The following KATNA1 variants were observed in gnomAD, a reference collection of about 807,000 sequenced individuals.
KATNA1 encodes katanin catalytic subunit A1, also known as katanin p60 ATPase-containing subunit A1.
Under a neutral mutation model 62.6 loss-of-function variants are expected in KATNA1, and 42 were observed. That is an observed-to-expected ratio of 0.67 (90% CI 0.52 to 0.87). The LOEUF (loss-of-function observed/expected upper bound fraction) is 0.87, where lower values mean the gene tolerates loss of function less well. Ranked by LOEUF, KATNA1 falls within the 40% of genes least tolerant of loss-of-function variation. The pLI, the probability that KATNA1 is intolerant of heterozygous loss-of-function variation, is 0.00. For missense variants in KATNA1, 498 were observed against 612.5 expected (o/e 0.81, Z 1.97); for synonymous variants, 186 against 201.9 (o/e 0.92, Z 0.67).
chr6:149,637,482 T>C (rs771044977), intron 2 of KATNA1, among the ~76,000 whole-genome samples: 29 of 152,190 alleles, frequency 1.9e-4, no homozygotes, highest in Non-Finnish European at 3.7e-4. Context: ...TAAAGTCTAC[T>C]CTATTTTTAC....
intron 1 of KATNA1, among the ~76,000 whole-genome samples, chr6:149,645,681 C>T (rs1362188620): frequency 1.3e-5 from 2 of 152,128 alleles, no homozygotes; most frequent in Admixed American, 1.3e-4. Context: ...ACAGAACCAC[C>T]CTTTTGCTTA....
rs529886576 is a variant in KATNA1, at chr6:149,634,955, T to TC, written c.163-2040dup. ...TTAAAAGCAGTCTTTTTTTTTTTTTTCAAATATTTTTTAGAGACAGGGTCT... is the reference window on the plus strand; with the variant it reads ...TTAAAAGCAGTCTTTTTTTTTTTTTTCCAAATATTTTTTAGAGACAGGGTCT... On this transcript the variant is annotated intron_variant, in intron 2 of 10. Transcript: ENST00000367411. Among the ~76,000 whole-genome samples the TC allele has an allele frequency of 1.1e-4, 16 of 148,080 alleles. No homozygotes were observed. The East Asian group carries it at 2.7e-3, about 25-fold the overall frequency.
chr6:149,644,850 C>G (rs1433735517), intron 1 of KATNA1, among the ~76,000 whole-genome samples: 1 of 152,088 alleles, frequency 6.6e-6, no homozygotes, highest in East Asian at 1.9e-4. Flanking sequence ...AAAGTCTAAT[C>G]CAAGGCCACA....
intron 4 of KATNA1, among the ~76,000 whole-genome samples, chr6:149,616,644 C>T (rs766318770): frequency 1.3e-5 from 2 of 152,116 alleles, no homozygotes; most frequent in Non-Finnish European, 2.9e-5. Context: ...ATCCCAGACA[C>T]TTGGGAGGCT....
At chr6:149,641,302 G>A (rs1374951225) in intron 1 of KATNA1, among the ~76,000 whole-genome samples, 2 of 151,058 alleles carry the variant, frequency 1.3e-5, no homozygotes, top group African/African-American at 2.4e-5. Flanking sequence ...TTAGCCTCCC[G>A]AGTAGCTGGG....
At chr6:149,647,119 G>C (rs1780516257) in intron 1 of KATNA1, among the ~76,000 whole-genome samples, 1 of 151,398 alleles carries the variant, frequency 6.6e-6, no homozygotes, top group Admixed American at 6.6e-5. Context: ...CATAGTCTAG[G>C]AATGTTGGGA....
intron 7 of KATNA1, among the ~76,000 whole-genome samples, chr6:149,598,810 A>T (rs1244496890): frequency 2.6e-5 from 4 of 152,104 alleles, no homozygotes; most frequent in Admixed American, 2.6e-4. Flanking sequence ...AATACTGGGG[A>T]GATGGGATAG....
chr6:149,609,370 GA>G (rs532188676), intron 4 of KATNA1, among the ~76,000 whole-genome samples: 33 of 145,514 alleles, frequency 2.3e-4, no homozygotes, highest in South Asian at 4.4e-4. Context: ...ATTTTTTAAG[GA>G]AAAAAAAAAA....
At chr6:149,604,448 A>G (rs1778656822) in intron 5 of KATNA1, among the ~76,000 whole-genome samples, 1 of 152,164 alleles carries the variant, frequency 6.6e-6, no homozygotes, top group Admixed American at 6.6e-5. Flanking sequence ...CCTGGGCAAT[A>G]AAGTGAGACC....
chr6:149,645,412 C>T (rs1488504651), intron 1 of KATNA1, among the ~76,000 whole-genome samples: 1 of 148,238 alleles, frequency 6.7e-6, no homozygotes, highest in African/African-American at 2.5e-5. Flanking sequence ...CACTGCACTC[C>T]AGCCTGGGCG....
chr6:149,628,520 G>A (rs1245540675), intron 3 of KATNA1, among the ~76,000 whole-genome samples: 1 of 151,728 alleles, frequency 6.6e-6, no homozygotes, highest in Non-Finnish European at 1.5e-5. Flanking sequence ...ACCAACATAG[G>A]TGAAGAAAGA....
Position 149,597,055 on chromosome 6 carries a change from A to ACACGTTGGTAATG in KATNA1, c.1277+7_1277+8insCATTACCAACGTG. ...TACAAAAACCTATGCTTCCATGATA[A>ACACGTTGGTAATG]TTCATACCTGCACACGTTGGTAATG... On this transcript the variant is annotated splice_region_variant and intron_variant, in intron 10 of 10. Coordinates refer to ENST00000367411, the MANE Select transcript of KATNA1 (RefSeq NM_007044.4). 1 of 1,611,616 alleles carries ACACGTTGGTAATG rather than the reference A, an allele frequency of 6.2e-7. No individual in the cohort carries two copies. Among genetic ancestry groups the ACACGTTGGTAATG allele is most frequent in the East Asian group, 2.2e-5 (1 of 44,864 alleles).
At chr6:149,621,904 G>T (rs73781287) in intron 4 of KATNA1, among the ~76,000 whole-genome samples, 1 of 152,094 alleles carries the variant, frequency 6.6e-6, no homozygotes, top group Non-Finnish European at 1.5e-5. Context: ...ATTCCAGTCC[G>T]AGAAAGGCAA....
rs145419528 is a variant in KATNA1, at chr6:149,641,098, G to A, written c.-13-2538C>T. ...TTGGTCACGCTGGTCTCGAACTCCC[G>A]ATCTCGGGTGATCTGCCCACCTCGG... is the stretch of plus-strand genomic sequence containing the variant. On this transcript the variant is annotated intron_variant, in intron 1 of 10. Coordinates refer to ENST00000367411, the MANE Select transcript of KATNA1 (RefSeq NM_007044.4). Among the ~76,000 whole-genome samples, 703 of 151,252 alleles carry A rather than the reference G, an allele frequency of 4.6e-3. 5 individuals are homozygous for A. The highest frequency in any genetic ancestry group is 7.2e-3 in the Non-Finnish European group (489 of 67,888).
chr6:149,621,807 A>T (rs946774948), intron 4 of KATNA1, among the ~76,000 whole-genome samples: 1 of 152,028 alleles, frequency 6.6e-6, no homozygotes, highest in Non-Finnish European at 1.5e-5. Flanking sequence ...AAAAAAAATG[A>T]ATAATCTTAA....
intron 4 of KATNA1, among the ~76,000 whole-genome samples, chr6:149,622,286 C>T (rs1779430635): frequency 1.3e-5 from 2 of 152,066 alleles, no homozygotes; most frequent in Admixed American, 6.6e-5. Context: ...GCGCCCGCCA[C>T]CACGGCTAAT....
At chr6:149,599,686 T>G (rs1373373088) in intron 7 of KATNA1, among the ~76,000 whole-genome samples, 2 of 152,066 alleles carry the variant, frequency 1.3e-5, no homozygotes, top group East Asian at 3.9e-4. Context: ...CCTGGCTAAT[T>G]TTTGTATTTT....
intron 4 of KATNA1, among the ~76,000 whole-genome samples, chr6:149,613,015 C>T (rs1405206692): frequency 1.3e-5 from 2 of 151,134 alleles, no homozygotes; most frequent in East Asian, 3.9e-4. Flanking sequence ...CTCATCTCTA[C>T]TAAAAATACA....
At chr6:149,616,155 A>G (rs901737367) in intron 4 of KATNA1, among the ~76,000 whole-genome samples, 1 of 152,228 alleles carries the variant, frequency 6.6e-6, no homozygotes, top group Admixed American at 6.6e-5. Flanking sequence ...TGATGGCTGC[A>G]TAGCAATGTT....
Sources: allele counts gnomAD v4.1 joint callset (sites outside exome capture counted in the v4.1 genomes callset), GRCh38; gene constraint gnomAD v4.1.1; transcripts MANE v1.5; gene names NCBI Gene and HGNC (gene_info 2026-07-23, HGNC 2026-07-21).